The following IRAG2 variants were observed in gnomAD, a reference collection of about 807,000 sequenced individuals.
IRAG2 encodes inositol 1,4,5-triphosphate receptor associated 2.
In IRAG2, 45 loss-of-function variants were observed where a neutral mutation model predicts 69.9. The ratio of observed to expected loss-of-function variants is 0.64; its 90% CI spans 0.51 to 0.83. The LOEUF is 0.83. Ranked by LOEUF, IRAG2 falls within the 40% of genes least tolerant of loss-of-function variation. The pLI, the probability that IRAG2 is intolerant of heterozygous loss-of-function variation, is 0.00. For synonymous variants in IRAG2, 193 were observed against 202.4 expected (o/e 0.95, Z 0.40); for missense variants, 520 against 587.0 (o/e 0.89, Z 1.18).
chr12:25,094,921 T>C (rs1026251286), intron 14 of IRAG2, among the ~76,000 whole-genome samples: 2 of 152,178 alleles, frequency 1.3e-5, no homozygotes, highest in African/African-American at 4.8e-5. Flanking sequence ...GTTAATTTTG[T>C]ACCCTACAAT....
chr12:25,029,833 G>T lies in IRAG2; in HGVS notation c.1462-445G>T, dbSNP rs1002576793. Among the ~76,000 whole-genome samples the T allele has an allele frequency of 3.9e-5, 6 of 152,058 alleles. No individual in the cohort carries two copies. The East Asian group carries it at 1.2e-3, about 29-fold the overall frequency. On this transcript the variant is annotated intron_variant, in intron 9 of 38. Transcript: ENST00000636465. ...GTGCCTGAGACTACAGGCATGTGCCGCCATGCCAGGCTAAACTATGTTTTT... is the reference window on the plus strand; with the variant it reads ...GTGCCTGAGACTACAGGCATGTGCCTCCATGCCAGGCTAAACTATGTTTTT...
At chr12:25,091,268 A>T (rs996161233) in intron 14 of IRAG2, 1 of 156,774 alleles carries the variant, frequency 6.4e-6, no homozygotes, top group African/African-American at 2.4e-5. Flanking sequence ...TTTCCTCCTT[A>T]CCCCATCCCC....
chr12:25,095,774 A>AT (rs1948380627), intron 14 of IRAG2, among the ~76,000 whole-genome samples: 1 of 152,038 alleles, frequency 6.6e-6, no homozygotes, highest in African/African-American at 2.4e-5. Context: ...ATTTTTCTTT[A>AT]TTGGGTGATT....
chr12:25,091,958 A>T (rs1487825231), intron 14 of IRAG2, among the ~76,000 whole-genome samples: 2 of 152,178 alleles, frequency 1.3e-5, no homozygotes, highest in East Asian at 1.9e-4. Context: ...GCAGAAAAAA[A>T]TTTTATTTAT....
At chr12:25,043,522 G>A (rs982158022) in intron 16 of IRAG2, among the ~76,000 whole-genome samples, 2 of 152,140 alleles carry the variant, frequency 1.3e-5, no homozygotes, top group African/African-American at 4.8e-5. Context: ...TTCTTTCCAG[G>A]GATGAAAGGA....
intron 10 of IRAG2, among the ~76,000 whole-genome samples, chr12:25,084,337 C>G (rs959466317): frequency 6.6e-5 from 10 of 151,796 alleles, no homozygotes; most frequent in African/African-American, 2.4e-4. Context: ...CTGCAGTGAG[C>G]AATGAGCATG....
intron 1 of IRAG2, among the ~76,000 whole-genome samples, chr12:25,056,108 A>T (rs1245877875): frequency 1.3e-5 from 2 of 152,152 alleles, no homozygotes; most frequent in East Asian, 3.9e-4. Context: ...AGATAATATC[A>T]CTGCAAACAC....
chr12:25,044,054 AG>A (rs1386484601), intron 16 of IRAG2, among the ~76,000 whole-genome samples: 1 of 152,198 alleles, frequency 6.6e-6, no homozygotes, highest in African/African-American at 2.4e-5. Context: ...CTTATATAAA[AG>A]TTAAAAGTAT....
At chr12:25,024,466 AT>A (rs1332244505) in intron 8 of IRAG2, among the ~76,000 whole-genome samples, 2 of 152,202 alleles carry the variant, frequency 1.3e-5, no homozygotes, top group East Asian at 1.9e-4. Context: ...AAAGAATATA[AT>A]TTTTTTAAAG....
intron 3 of IRAG2, chr12:25,015,159 T>TTTG (rs1032511416): frequency 0.027 from 24,167 of 900,220 alleles, 5 homozygotes; most frequent in Middle Eastern, 0.042. Context: ...GGTTTTGTTT[T>TTTG]TTTTTTTTTT....
intron 16 of IRAG2, among the ~76,000 whole-genome samples, chr12:25,046,531 G>C (rs547598161): frequency 1.3e-5 from 2 of 152,050 alleles, no homozygotes; most frequent in South Asian, 4.1e-4. Context: ...AATAAATTTC[G>C]TTTATATATG....
intron 15 of IRAG2, 31 bp downstream of exon 15, chr12:25,097,075 G>A: frequency 1.3e-6 from 2 of 1,555,446 alleles, no homozygotes; most frequent in South Asian, 1.2e-5. Flanking sequence ...TAGTTAGAAT[G>A]AAATTACAAA....
chr12:25,018,325 A>G (rs1168285870), intron 6 of IRAG2, among the ~76,000 whole-genome samples: 1 of 138,260 alleles, frequency 7.2e-6, no homozygotes, highest in East Asian at 2.2e-4. Flanking sequence ...CTCACCCCCC[A>G]CCCCTCAAGT....
intron 15 of IRAG2, among the ~76,000 whole-genome samples, chr12:25,098,121 C>A (rs533235069): frequency 6.6e-6 from 1 of 152,152 alleles, no homozygotes; most frequent in South Asian, 2.1e-4. Context: ...TCATCACTTA[C>A]CCCTTTCTTG....
At chr12:25,104,942 G>GT (rs1948954599) in intron 20 of IRAG2, among the ~76,000 whole-genome samples, 1 of 151,892 alleles carries the variant, frequency 6.6e-6, no homozygotes, top group South Asian at 2.1e-4. Flanking sequence ...TGCTATCTCT[G>GT]TATCTAGTAA....
chr12:25,086,458 T>G (rs1947612157), intron 10 of IRAG2, among the ~76,000 whole-genome samples: 1 of 152,226 alleles, frequency 6.6e-6, no homozygotes, highest in African/African-American at 2.4e-5. Flanking sequence ...AGATTTTATA[T>G]ACGGCTGCAT....
At chr12:25,010,206 G>C (rs930786355) in intron 2 of IRAG2, among the ~76,000 whole-genome samples, 1 of 152,192 alleles carries the variant, frequency 6.6e-6, no homozygotes, top group Admixed American at 6.5e-5. Flanking sequence ...GCTGGGTACA[G>C]TGACTCACAC....
intron 10 of IRAG2, 50 bp from the exon 11 acceptor site, chr12:25,088,050 T>C: frequency 1.5e-6 from 2 of 1,332,020 alleles, no homozygotes; most frequent in Non-Finnish European, 2.2e-6. Context: ...AAATGACTGG[T>C]TATGAAGTAT....
intron 15 of IRAG2, among the ~76,000 whole-genome samples, chr12:25,098,672 TAACAC>T (rs1486874206): frequency 1.3e-5 from 2 of 152,200 alleles, no homozygotes; most frequent in African/African-American, 4.8e-5. Flanking sequence ...ATGGGAATAA[TAACAC>T]AAAACAAACA....
Sources: gnomAD v4.1 joint callset for allele counts (sites outside exome capture counted in the v4.1 genomes callset) on GRCh38, gnomAD v4.1.1 for gene constraint, MANE v1.5 for transcripts, NCBI Gene and HGNC (gene_info 2026-07-23, HGNC 2026-07-21) for gene names.